The following NALF1 variants were observed in gnomAD, a reference collection of about 807,000 sequenced individuals.
NALF1 encodes family with sequence similarity 155 member A.
NALF1 carries 3 observed loss-of-function variants against 48.4 expected under a neutral mutation model. That is an observed-to-expected ratio of 0.06 (90% CI 0.03 to 0.16). The LOEUF is 0.16. Among genes scored for constraint, NALF1 ranks in the 10% least tolerant of loss-of-function variants. The pLI, the probability that NALF1 is intolerant of heterozygous loss-of-function variation, is 1.00. For synonymous variants in NALF1, 262 were observed against 245.7 expected (o/e 1.07, Z -0.62); for missense variants, 526 against 571.5 (o/e 0.92, Z 0.81).
chr13:107,312,643 G>A (rs189072942), intron 1 of NALF1, among the ~76,000 whole-genome samples: 69 of 152,146 alleles, frequency 4.5e-4, no homozygotes, highest in Non-Finnish European at 6.5e-4. Context: ...TAGCAATAAC[G>A]TCAAAGAAAA....
chr13:107,376,755 C>T (rs1328880724), intron 1 of NALF1, among the ~76,000 whole-genome samples: 1 of 152,142 alleles, frequency 6.6e-6, no homozygotes, highest in Non-Finnish European at 1.5e-5. Context: ...AAGGCTGTAA[C>T]CCACACATAT....
intron 1 of NALF1, among the ~76,000 whole-genome samples, chr13:107,758,879 A>C (rs1472156152): frequency 6.6e-6 from 1 of 152,214 alleles, no homozygotes; most frequent in East Asian, 1.9e-4. Flanking sequence ...TTTTACGAGA[A>C]TGCACCAACC....
At chr13:107,748,266 T>C (rs1425506828) in intron 1 of NALF1, among the ~76,000 whole-genome samples, 2 of 152,232 alleles carry the variant, frequency 1.3e-5, no homozygotes, top group African/African-American at 2.4e-5. Context: ...ATTTGAGTTG[T>C]ATAAAAATAA....
At chr13:107,583,095 A>G (rs1050661829) in intron 1 of NALF1, among the ~76,000 whole-genome samples, 1 of 152,162 alleles carries the variant, frequency 6.6e-6, no homozygotes, top group African/African-American at 2.4e-5. Context: ...GAAAGATTTC[A>G]TTACAATTTC....
chr13:107,368,700 C>A (rs1883195906), intron 1 of NALF1, among the ~76,000 whole-genome samples: 1 of 152,182 alleles, frequency 6.6e-6, no homozygotes, highest in South Asian at 2.1e-4. Context: ...ACATTTAGGG[C>A]CCACCCTGAC....
intron 1 of NALF1, among the ~76,000 whole-genome samples, chr13:107,718,904 C>G (rs1875901772): frequency 1.3e-5 from 2 of 152,154 alleles, no homozygotes; most frequent in African/African-American, 4.8e-5. Context: ...TGCATTGGAC[C>G]AGGCAGATAT....
intron 1 of NALF1, among the ~76,000 whole-genome samples, chr13:107,731,004 G>C (rs935846750): frequency 6.6e-6 from 1 of 152,198 alleles, no homozygotes; most frequent in African/African-American, 2.4e-5. Flanking sequence ...CGATCTCTGA[G>C]AGAGATTTGC....
intron 1 of NALF1, among the ~76,000 whole-genome samples, chr13:107,366,029 G>A (rs969709508): frequency 5.3e-5 from 8 of 152,128 alleles, no homozygotes; most frequent in Non-Finnish European, 8.8e-5. Context: ...AATAAGTTAC[G>A]CCACTAACAT....
chr13:107,539,288 G>A (rs1876931363), intron 1 of NALF1, among the ~76,000 whole-genome samples: 2 of 151,968 alleles, frequency 1.3e-5, no homozygotes, highest in African/African-American at 4.8e-5. Flanking sequence ...GAAGGCAGAA[G>A]CAAGCGTGCA....
At chr13:107,607,567 T>TAA (rs1879106346) in intron 1 of NALF1, among the ~76,000 whole-genome samples, 2 of 152,256 alleles carry the variant, frequency 1.3e-5, no homozygotes, top group South Asian at 4.2e-4. Flanking sequence ...AAATATACAC[T>TAA]AAACAGAGGG....
chr13:107,785,653 TACTC>T (rs1385912305), intron 1 of NALF1, among the ~76,000 whole-genome samples: 1 of 152,156 alleles, frequency 6.6e-6, no homozygotes, highest in Non-Finnish European at 1.5e-5. Flanking sequence ...GTAAATAACT[TACTC>T]ATGTAACTAA....
At chr13:107,214,720 C>T (rs1457019903) in intron 1 of NALF1, among the ~76,000 whole-genome samples, 1 of 152,190 alleles carries the variant, frequency 6.6e-6, no homozygotes, top group African/African-American at 2.4e-5. Context: ...GCCCACCATA[C>T]AGTGTTCTCA....
At chr13:107,229,143 A>G (rs932205865) in intron 1 of NALF1, among the ~76,000 whole-genome samples, 1 of 152,164 alleles carries the variant, frequency 6.6e-6, no homozygotes, top group African/African-American at 2.4e-5. Context: ...TCTCAGATAA[A>G]ATATAAACCA....
intron 1 of NALF1, among the ~76,000 whole-genome samples, chr13:107,419,277 T>C (rs1398581075): frequency 6.6e-6 from 1 of 152,232 alleles, no homozygotes. Flanking sequence ...ATTATATACG[T>C]TTAAAGATTT....
At chr13:107,273,248 A>G (rs1881212199) in intron 1 of NALF1, among the ~76,000 whole-genome samples, 1 of 152,226 alleles carries the variant, frequency 6.6e-6, no homozygotes, top group Admixed American at 6.5e-5. Flanking sequence ...CCAATAGGTC[A>G]TAATGTTTTG....
intron 1 of NALF1, among the ~76,000 whole-genome samples, chr13:107,593,508 T>G (rs545269046): frequency 6.6e-6 from 1 of 152,016 alleles, no homozygotes; most frequent in Non-Finnish European, 1.5e-5. Flanking sequence ...TTTAATAAAT[T>G]CAATTAGCAG....
At chr13:107,682,321 C>G (rs1397250634) in intron 1 of NALF1, among the ~76,000 whole-genome samples, 21 of 152,198 alleles carry the variant, frequency 1.4e-4, no homozygotes, top group Non-Finnish European at 7.3e-5. Context: ...GAGGAATCTG[C>G]CCTGCTTGCT....
intron 1 of NALF1, among the ~76,000 whole-genome samples, chr13:107,434,371 CTCTA>C (rs1361743212): frequency 1.4e-5 from 2 of 146,608 alleles, no homozygotes; most frequent in Admixed American, 1.3e-4. Flanking sequence ...GGGATCTTTT[CTCTA>C]TCTATCCATA....
At chr13:107,630,476 CAA>C (rs775537699) in intron 1 of NALF1, among the ~76,000 whole-genome samples, 25 of 152,058 alleles carry the variant, frequency 1.6e-4, no homozygotes, top group Non-Finnish European at 2.8e-4. Context: ...TTATAGTACT[CAA>C]AAGTCATCTT....
Sources: gnomAD v4.1 joint callset for allele counts (sites outside exome capture counted in the v4.1 genomes callset) on GRCh38, gnomAD v4.1.1 for gene constraint, MANE v1.5 for transcripts, NCBI Gene and HGNC (gene_info 2026-07-23, HGNC 2026-07-21) for gene names.